Variants in CCT8 observed in about 807,000 individuals in gnomAD.
The protein encoded by CCT8 is T-complex protein 1 subunit theta.
A neutral mutation model predicts 65.7 loss-of-function variants in CCT8; 10 were observed. The ratio of observed to expected loss-of-function variants is 0.15; its 90% confidence interval spans 0.09 to 0.26. The LOEUF (loss-of-function observed/expected upper bound fraction) is 0.26, where lower values mean the gene tolerates loss of function less well. Among genes scored for constraint, CCT8 ranks in the 10% least tolerant of loss-of-function variants. CCT8 has a pLI of 1.00. For synonymous variants in CCT8, 199 were observed against 221.8 expected, an observed-to-expected ratio of 0.90 and a Z score of 0.92; for missense variants, 568 against 669.1, an observed-to-expected ratio of 0.85 and a Z score of 1.67.
intron 1 of CCT8, 194 bp downstream of exon 1, chr21:29,073,337 C>T: frequency 7.0e-7 from 1 of 1,419,980 alleles, no homozygotes; most frequent in Non-Finnish European, 9.2e-7. Context: ...CTCCCGGTCG[C>T]GGAAGAAGAG....
chr21:29,057,569 C>T lies in CCT8; in HGVS notation c.1570-1017G>A, dbSNP rs1030497577. ...AGGTTTGAGGCCAGGAGTTTGAGACCAGCCTGGGCAACAAAGTGAGACCTA... is the reference window on the plus strand; with the variant it reads ...AGGTTTGAGGCCAGGAGTTTGAGACTAGCCTGGGCAACAAAGTGAGACCTA... On this transcript the variant is annotated intron_variant, in intron 14 of 14. Transcript: ENST00000286788. Among the ~76,000 whole-genome samples, 5 of 82,582 alleles carry T rather than the reference C, an allele frequency of 6.1e-5. No homozygotes were observed. In the East Asian group the frequency reaches 1.3e-3, roughly 22 times the overall value. 54.2% of individuals were successfully genotyped at this position (82,582 alleles called of 152,430 possible).
At chr21:29,070,587 ACAAT>A (rs1349684672) in intron 1 of CCT8, among the ~76,000 whole-genome samples, 1 of 152,218 alleles carries the variant, frequency 6.6e-6, no homozygotes, top group Admixed American at 6.5e-5. Context: ...GATTGTTGAG[ACAAT>A]CAAACAAGAT....
At chr21:29,072,773 GAT>G (rs1288715090) in intron 1 of CCT8, among the ~76,000 whole-genome samples, 5 of 152,302 alleles carry the variant, frequency 3.3e-5, no homozygotes, top group African/African-American at 9.6e-5. Flanking sequence ...AGTGCAGTAA[GAT>G]ATTTTTTAAA....
chr21:29,057,920 C>G (rs944441280), intron 14 of CCT8, among the ~76,000 whole-genome samples: 9 of 151,680 alleles, frequency 5.9e-5, no homozygotes, highest in African/African-American at 2.2e-4. Flanking sequence ...GATGTTAAGG[C>G]AGAAGAATCA....
intron 4 of CCT8, 112 bp from the exon 5 acceptor site, chr21:29,067,183 G>A (rs547828824): frequency 7.6e-5 from 58 of 766,266 alleles, no homozygotes; most frequent in Admixed American, 3.7e-4. Flanking sequence ...AATATACTTC[G>A]GAATAAAACA....
chr21:29,067,651 C>A lies in CCT8; in HGVS notation c.286G>T (p.Glu96Ter). The A allele has an allele frequency of 7.2e-7, 1 of 1,385,290 alleles. No individual in the cohort carries two copies. The highest frequency in any genetic ancestry group is 2.1e-5 in the South Asian group (1 of 47,664). 85.8% of individuals were successfully genotyped at this position (1,385,290 alleles called of 1,614,324 possible). ...IVMASHMQEQ[E>*]VGDGTNFVLV... is the part of the protein sequence containing the mutation. ...ACAAAGTTTGTGCCATCTCCAACTT[C>A]TTGCTCTTGCATATGAGAAGCCATT... The change falls in exon 4 of 15, where the codon GAA becomes TAA. Residue 96 changes from glutamate (E) to a stop codon, truncating the protein, a stop_gained. Transcript: ENST00000286788. LOFTEE classifies it high-confidence loss of function.
chr21:29,065,180 T>A, intron 6 of CCT8, 75 bp from the exon 7 acceptor site: 1 of 1,447,338 alleles, frequency 6.9e-7, no homozygotes, highest in Non-Finnish European at 9.6e-7. Flanking sequence ...ATTCTCCATA[T>A]ACCAAAAATA....
At position 29,061,461 on chromosome 21, in the gene CCT8, G is replaced by T. The variant is rs566821834; in HGVS notation, c.1284+35C>A. On this transcript the variant is annotated intron_variant, in intron 12 of 14. Coordinates refer to ENST00000286788, the MANE Select transcript of CCT8 (RefSeq NM_006585.4). ...AATTACTGTCTTTTATTCAAGCAAT[G>T]GAAAGAAAGTCAATTTATACAGAAA... The T allele has an allele frequency of 6.8e-6, 11 of 1,613,118 alleles. No homozygotes were observed. The South Asian group carries it at 1.2e-4, about 18-fold the overall frequency.
Position 29,064,950 on chromosome 21 carries a change from G to A in CCT8, c.762+18C>T, listed in dbSNP as rs138452746. ...GTGCAACCCCAATTATTACTTTTAA[G>A]GTTTGAAGTCTACATACCTTAGTTT... On this transcript the variant is annotated intron_variant, in intron 7 of 14. Transcript: ENST00000286788. 1 of 1,610,246 alleles carries A rather than the reference G, an allele frequency of 6.2e-7. No homozygotes were observed. The highest frequency in any genetic ancestry group is 1.3e-5 in the African/African-American group (1 of 74,932).
intron 3 of CCT8, among the ~76,000 whole-genome samples, chr21:29,069,033 T>C (rs2085654461): frequency 6.6e-6 from 1 of 152,170 alleles, no homozygotes; most frequent in Non-Finnish European, 1.5e-5. Flanking sequence ...TAAAATGCCA[T>C]CAACTGATTG....
intron 7 of CCT8, among the ~76,000 whole-genome samples, 154 bp downstream of exon 7, chr21:29,064,814 T>C (rs1052323207): frequency 6.6e-6 from 1 of 152,206 alleles, no homozygotes; most frequent in South Asian, 2.1e-4. Context: ...AGTAGTTGAA[T>C]TAGATATTTG....
At chr21:29,068,470 TC>T in intron 3 of CCT8, among the ~76,000 whole-genome samples, 1 of 152,194 alleles carries the variant, frequency 6.6e-6, no homozygotes, top group Non-Finnish European at 1.5e-5. Flanking sequence ...TATTTTTTTT[TC>T]TTTTTTGAGA....
chr21:29,057,281 C>T (rs2085508559), intron 14 of CCT8, among the ~76,000 whole-genome samples: 1 of 151,470 alleles, frequency 6.6e-6, no homozygotes, highest in Admixed American at 6.6e-5. Context: ...AAGCAATTCT[C>T]CTGCCTCAGC....
intron 13 of CCT8, among the ~76,000 whole-genome samples, chr21:29,060,922 C>A (rs2085556001): frequency 6.6e-6 from 1 of 152,092 alleles, no homozygotes; most frequent in Non-Finnish European, 1.5e-5. Flanking sequence ...TACTTTAAAT[C>A]GTCTCCAGAT....
Position 29,056,386 on chromosome 21 carries a change from C to T in CCT8, c.*89G>A. 1.6e-6 allele frequency: 1 copy of T among 640,660 alleles called. No individual in the cohort carries two copies. Among genetic ancestry groups the T allele is most frequent in the Non-Finnish European group, 2.5e-6 (1 of 404,874 alleles). The allele number at this position is 640,660 out of a possible 1,614,324, so 39.7% of individuals were successfully genotyped here. ...CCAAGAATACAAACACAAAATAACT[C>T]TTAATTTAAGGAGAATAAGAAAACA... is the stretch of plus-strand genomic sequence containing the variant. On this transcript the variant is annotated 3_prime_UTR_variant, in exon 15 of 15. Transcript: ENST00000286788.
At chr21:29,062,096 T>C (rs1447667655) in intron 11 of CCT8, 32 bp downstream of exon 11, 1 of 1,435,284 alleles carries the variant, frequency 7.0e-7, no homozygotes, top group South Asian at 1.1e-5. Context: ...ACTCAGACCT[T>C]ACAAACTACT....
intron 7 of CCT8, 123 bp from the exon 8 acceptor site, chr21:29,063,653 A>T: frequency 1.2e-6 from 1 of 853,318 alleles, no homozygotes; most frequent in Non-Finnish European, 1.8e-6. Flanking sequence ...ATATGTGCAT[A>T]TATTATGAAG....
intron 8 of CCT8, chr21:29,063,001 C>A: frequency 3.0e-6 from 1 of 330,890 alleles, no homozygotes; most frequent in Non-Finnish European, 5.5e-6. Context: ...GTTAAGTTGT[C>A]TAGTGTGCAC....
chr21:29,062,535 G>A lies in CCT8; in HGVS notation c.963C>T (p.Leu321=). Residue 321 remains leucine (L), a synonymous_variant, in exon 9 of 15, where the codon CTC becomes CTT. Coordinates refer to ENST00000286788, the MANE Select transcript of CCT8 (RefSeq NM_006585.4). The stretch of plus-strand genomic sequence containing the variant: ...CACCAACAGTTTTACAAAGTCTTCG[G>A]AGATCCCATTTTGAGTTTAGCCTTT... The part of the protein sequence containing the change: ...MLVRLNSKWD[L]RRLCKTVGAT... 3 of 1,613,772 alleles carry A rather than the reference G, an allele frequency of 1.9e-6. No individual in the cohort carries two copies. Among genetic ancestry groups the A allele is most frequent in the Non-Finnish European group, 1.7e-6 (2 of 1,179,846 alleles).
Sources: allele counts gnomAD v4.1 joint callset (sites outside exome capture counted in the v4.1 genomes callset), GRCh38; gene constraint gnomAD v4.1.1; transcripts MANE v1.5; gene names NCBI Gene and HGNC (gene_info 2026-07-23, HGNC 2026-07-21).